Variants in MCTP2 observed in about 807,000 individuals in gnomAD.
The protein encoded by MCTP2 is multiple C2 and transmembrane domain-containing protein 2.
In MCTP2, 132 loss-of-function variants were observed where a neutral mutation model predicts 111.6. That is an observed-to-expected ratio of 1.18 (90% CI 1.03 to 1.37). The LOEUF (loss-of-function observed/expected upper bound fraction) is 1.37. Among genes scored for constraint, MCTP2 ranks in the 40% most tolerant of loss-of-function variants. MCTP2 has a pLI of 0.00. For synonymous variants in MCTP2, 395 were observed against 387.7 expected (o/e 1.02, Z -0.22); for missense variants, 1,183 against 1,067.9 (o/e 1.11, Z -1.50).
At chr15:94,302,822 C>T (rs920049370) in intron 2 of MCTP2, among the ~76,000 whole-genome samples, 3 of 152,054 alleles carry the variant, frequency 2.0e-5, no homozygotes, top group South Asian at 2.1e-4. Context: ...TCCTCTCTTA[C>T]CTATCATATT....
intron 4 of MCTP2, among the ~76,000 whole-genome samples, chr15:94,325,192 G>A (rs1271229544): frequency 1.3e-5 from 2 of 152,162 alleles, no homozygotes; most frequent in African/African-American, 4.8e-5. Context: ...GCTCAGACAC[G>A]GTCTAGCCAT....
intron 1 of MCTP2, among the ~76,000 whole-genome samples, chr15:94,233,488 G>T (rs2070333795): frequency 6.6e-6 from 1 of 152,132 alleles, no homozygotes; most frequent in African/African-American, 2.4e-5. Context: ...GAGTTTCTCA[G>T]CTGAGTGGGC....
At chr15:94,366,601 G>T (rs537399594) in intron 10 of MCTP2, among the ~76,000 whole-genome samples, 4 of 152,230 alleles carry the variant, frequency 2.6e-5, no homozygotes, top group African/African-American at 9.6e-5. Flanking sequence ...TGACAGCTTA[G>T]GGTAAGAATC....
intron 19 of MCTP2, among the ~76,000 whole-genome samples, chr15:94,450,597 AATAT>A (rs1389310123): frequency 3.3e-5 from 5 of 152,246 alleles, no homozygotes; most frequent in African/African-American, 1.2e-4. Flanking sequence ...ATAGGCTTTT[AATAT>A]TCAGTGGGAT....
intron 1 of MCTP2, among the ~76,000 whole-genome samples, chr15:94,289,350 G>C (rs2074927652): frequency 6.6e-6 from 1 of 152,222 alleles, no homozygotes; most frequent in East Asian, 1.9e-4. Flanking sequence ...TGAAAGAAAA[G>C]TATAGAATTC....
chr15:94,349,551 T>G (rs2078183112), intron 8 of MCTP2, among the ~76,000 whole-genome samples: 1 of 152,046 alleles, frequency 6.6e-6, no homozygotes, highest in Non-Finnish European at 1.5e-5. Flanking sequence ...TGTGTTGGGC[T>G]CAGGAAAGCC....
chr15:94,381,625 G>A (rs746257489), intron 12 of MCTP2, among the ~76,000 whole-genome samples: 2 of 152,232 alleles, frequency 1.3e-5, no homozygotes, highest in Non-Finnish European at 2.9e-5. Context: ...TGCTGATGGC[G>A]TGTCATGCTG....
chr15:94,364,041 C>G (rs534549709), intron 10 of MCTP2, among the ~76,000 whole-genome samples: 2 of 144,886 alleles, frequency 1.4e-5, no homozygotes, highest in African/African-American at 5.2e-5. Context: ...GTTTCTTGAG[C>G]TGTCGTGAGT....
chr15:94,277,762 A>G (rs1366308230), intron 1 of MCTP2, among the ~76,000 whole-genome samples: 2 of 152,174 alleles, frequency 1.3e-5, no homozygotes, highest in African/African-American at 2.4e-5. Flanking sequence ...ACAGGACATT[A>G]TATGTTTGTC....
chr15:94,258,630 C>T (rs941132334), intron 1 of MCTP2, among the ~76,000 whole-genome samples: 9 of 152,174 alleles, frequency 5.9e-5, no homozygotes, highest in Non-Finnish European at 8.8e-5. Flanking sequence ...ATTTAAATCA[C>T]GCTTGCCTTA....
At chr15:94,286,016 A>G (rs369352418) in intron 1 of MCTP2, among the ~76,000 whole-genome samples, 2 of 152,324 alleles carry the variant, frequency 1.3e-5, no homozygotes, top group East Asian at 3.9e-4. Context: ...ACCTGTAATT[A>G]GATTACACAT....
intron 17 of MCTP2, among the ~76,000 whole-genome samples, chr15:94,411,851 G>T (rs2082165784): frequency 6.6e-6 from 1 of 151,878 alleles, no homozygotes; most frequent in Non-Finnish European, 1.5e-5. Flanking sequence ...AGTCTCCCTG[G>T]GATTCTCTTA....
intron 17 of MCTP2, chr15:94,403,269 G>A (rs754279958): frequency 4.1e-5 from 40 of 982,502 alleles, no homozygotes; most frequent in East Asian, 1.1e-4. Context: ...ATCTGTATCC[G>A]TCATTGTCTC....
At chr15:94,281,253 G>C (rs1156357382) in intron 1 of MCTP2, among the ~76,000 whole-genome samples, 1 of 152,108 alleles carries the variant, frequency 6.6e-6, no homozygotes, top group Non-Finnish European at 1.5e-5. Context: ...CCAGTGTTGG[G>C]TACATATAAA....
intron 12 of MCTP2, among the ~76,000 whole-genome samples, chr15:94,382,625 C>T (rs897505512): frequency 1.3e-5 from 2 of 152,238 alleles, no homozygotes; most frequent in Non-Finnish European, 2.9e-5. Context: ...ATGTGCTGTA[C>T]CTCAGAGCGC....
intron 12 of MCTP2, among the ~76,000 whole-genome samples, chr15:94,382,393 C>T (rs1374259263): frequency 6.6e-6 from 1 of 152,262 alleles, no homozygotes; most frequent in Non-Finnish European, 1.5e-5. Context: ...AAAACCCTCA[C>T]TCCTTCCTTT....
rs897428394 is a variant in MCTP2 at position 94,480,798 on chromosome 15, G to T, written c.*1764G>T. The T allele has an allele frequency of 3.3e-5, 5 of 152,140 alleles. No homozygotes were observed. Among genetic ancestry groups the T allele is most frequent in the Admixed American group, 1.3e-4 (2 of 15,272 alleles). 9.4% of individuals were successfully genotyped at this position (152,140 alleles called of 1,614,324 possible). ...TTAAAAGTGGAACCAATACTTTATT[G>T]TTGTTCTTTTGCTATAGAATTTCAA... is the stretch of plus-strand genomic sequence containing the variant. On this transcript the variant is annotated 3_prime_UTR_variant, in exon 23 of 23. Coordinates refer to ENST00000357742, the MANE Select transcript of MCTP2 (RefSeq NM_001385001.1).
rs551402793 is a variant in MCTP2 at position 94,293,994 on chromosome 15, A to G, written c.-65-4207A>G. On this transcript the variant is annotated intron_variant, in intron 1 of 22. Transcript: ENST00000357742. ...TGTCCTTCAAGGGGTAAATAGATTAATTGTGGTACATCCACACAATAGACT... is the reference window on the plus strand; with the variant it reads ...TGTCCTTCAAGGGGTAAATAGATTAGTTGTGGTACATCCACACAATAGACT... Among the ~76,000 whole-genome samples the G allele has an allele frequency of 6.6e-5, 10 of 152,300 alleles. No homozygotes were observed. In the South Asian group the frequency reaches 2.1e-3, roughly 32 times the overall value.
rs200766825 is a variant in MCTP2 at position 94,253,565 on chromosome 15, T to C, written c.-66+21901T>C. On this transcript the variant is annotated intron_variant, in intron 1 of 22. Transcript: ENST00000357742. ...ACTAGGTACTGCATTAGCATCTCAT[T>C]CTTAACACCTCCTAGATCACACAAC... is the stretch of plus-strand genomic sequence containing the variant. Among the ~76,000 whole-genome samples, 7 of 152,298 alleles carry C rather than the reference T, an allele frequency of 4.6e-5. No individual in the cohort carries two copies. In the East Asian group the frequency reaches 1.3e-3, roughly 29 times the overall value.
Sources: gnomAD v4.1 joint callset for allele counts (sites outside exome capture counted in the v4.1 genomes callset) on GRCh38, gnomAD v4.1.1 for gene constraint, MANE v1.5 for transcripts, NCBI Gene and HGNC (gene_info 2026-07-23, HGNC 2026-07-21) for gene names.